Variants in LITAF observed in about 807,000 individuals in gnomAD.
The protein encoded by LITAF is lipopolysaccharide-induced tumor necrosis factor-alpha factor.
A neutral mutation model predicts 14.5 loss-of-function variants in LITAF; 9 were observed. The ratio of observed to expected loss-of-function variants is 0.62; its 90% CI spans 0.37 to 1.08. The LOEUF is 1.08. Ranked by LOEUF, LITAF falls within the 50% of genes least tolerant of loss-of-function variation. The pLI is 0.01. For synonymous variants in LITAF, 98 were observed against 88.2 expected (o/e 1.11, Z -0.62); for missense variants, 206 against 213.4 (o/e 0.97, Z 0.22).
intron 3 of LITAF, among the ~76,000 whole-genome samples, chr16:11,607,599 T>TA (rs970628407): frequency 6.6e-6 from 1 of 152,082 alleles, no homozygotes; most frequent in African/African-American, 2.4e-5. Context: ...ACGTCCTCAT[T>TA]AAAAAAATCC....
chr16:11,612,904 C>G (rs1298599217), intron 3 of LITAF, among the ~76,000 whole-genome samples: 6 of 152,196 alleles, frequency 3.9e-5, no homozygotes, highest in East Asian at 3.9e-4. Flanking sequence ...CCCTGTGTCC[C>G]CCTAGAATCT....
intron 3 of LITAF, among the ~76,000 whole-genome samples, chr16:11,612,022 T>C (rs1291415321): frequency 1.3e-5 from 2 of 152,140 alleles, no homozygotes; most frequent in Non-Finnish European, 2.9e-5. Context: ...ACAACCCCCA[T>C]CCAACGCAAC....
At chr16:11,582,723 A>G (rs34096091) in intron 1 of LITAF, among the ~76,000 whole-genome samples, 20,929 of 152,230 alleles carry the variant, frequency 0.14, 1,698 homozygotes, top group South Asian at 0.23. Flanking sequence ...TAAACAAGAA[A>G]GAGAACCAGC....
chr16:11,584,697 A>C (rs1357751225), intron 1 of LITAF, among the ~76,000 whole-genome samples: 2 of 152,176 alleles, frequency 1.3e-5, no homozygotes, highest in African/African-American at 2.4e-5. Context: ...TGGAGTTACA[A>C]GGGCATTAGC....
At chr16:11,556,441 C>G in intron 2 of LITAF, 70 bp downstream of exon 2, 1 of 1,360,014 alleles carries the variant, frequency 7.4e-7, no homozygotes, top group Non-Finnish European at 1.0e-6. Flanking sequence ...AGAGTCACTT[C>G]GGTCACTCTC....
Position 11,623,424 on chromosome 16 carries a change from G to A in LITAF, c.85+10109C>T, listed in dbSNP as rs1017017449. ...CACCTGTAACCCCAGCACTTTGGGA[G>A]GCCGAGGCGGACAGATTACGAGGTC... On this transcript the variant is annotated intron_variant, in intron 3 of 3. Coordinates refer to the LITAF transcript ENST00000574848. 3.3e-5 allele frequency among the ~76,000 whole-genome samples: 5 copies of A among 151,800 alleles called. No homozygotes were observed. The East Asian group carries it at 7.9e-4, about 24-fold the overall frequency.
chr16:11,612,504 G>A (rs150089445), intron 3 of LITAF, among the ~76,000 whole-genome samples: 13 of 152,248 alleles, frequency 8.5e-5, no homozygotes, highest in African/African-American at 1.4e-4. Flanking sequence ...GTCTGACCTC[G>A]TGTGGGTCAC....
intron 1 of LITAF, among the ~76,000 whole-genome samples, chr16:11,581,271 A>C (rs2064728303): frequency 6.6e-6 from 1 of 152,218 alleles, no homozygotes. Context: ...TCTCCCCTAC[A>C]TAGGCCAAGA....
At chr16:11,625,194 G>A (rs13336957) in intron 3 of LITAF, among the ~76,000 whole-genome samples, 3 of 151,906 alleles carry the variant, frequency 2.0e-5, no homozygotes, top group East Asian at 1.9e-4. Flanking sequence ...AGCAGTGGCC[G>A]TGACTCTCTG....
chr16:11,578,882 G>A (rs1422751683), intron 1 of LITAF, among the ~76,000 whole-genome samples: 2 of 152,156 alleles, frequency 1.3e-5, no homozygotes, highest in Non-Finnish European at 2.9e-5. Context: ...TGGCTGAGGA[G>A]ACAAGATGAC....
intron 1 of LITAF, among the ~76,000 whole-genome samples, chr16:11,565,108 A>G (rs2064430712): frequency 7.3e-6 from 1 of 137,342 alleles, no homozygotes; most frequent in African/African-American, 2.8e-5. Context: ...TTTGAGACAG[A>G]TTCTCGCTCC....
chr16:11,595,037 G>GA (rs974509932), intron 1 of LITAF, among the ~76,000 whole-genome samples: 1 of 152,096 alleles, frequency 6.6e-6, no homozygotes, highest in African/African-American at 2.4e-5. Flanking sequence ...GTTGCTTATT[G>GA]AAAAAAACTA....
intron 3 of LITAF, among the ~76,000 whole-genome samples, chr16:11,618,240 T>G (rs2065029570): frequency 6.6e-6 from 1 of 152,160 alleles, no homozygotes; most frequent in African/African-American, 2.4e-5. Context: ...CCCAAACTTT[T>G]CCCCCTTGGA....
intron 1 of LITAF, among the ~76,000 whole-genome samples, chr16:11,557,098 G>C (rs534161745): frequency 5.1e-5 from 7 of 138,386 alleles, no homozygotes; most frequent in Non-Finnish European, 1.1e-4. Context: ...GGTTTTTTTG[G>C]TTTTTAAACC....
At chr16:11,603,740 T>C (rs2064940360) in intron 3 of LITAF, among the ~76,000 whole-genome samples, 1 of 152,144 alleles carries the variant, frequency 6.6e-6, no homozygotes, top group Non-Finnish European at 1.5e-5. Context: ...TTCTTATAAA[T>C]GCACATTTAA....
intron 2 of LITAF, among the ~76,000 whole-genome samples, chr16:11,554,571 T>A (rs2064238988): frequency 6.6e-6 from 1 of 151,948 alleles, no homozygotes; most frequent in South Asian, 2.1e-4. Flanking sequence ...GGTGCGTGGA[T>A]CACCAGAGGT....
chr16:11,575,681 G>A (rs528993664), intron 1 of LITAF: 6 of 152,058 alleles, frequency 3.9e-5, no homozygotes, highest in Admixed American at 2.6e-4. Flanking sequence ...AACAACTCGC[G>A]GTCAGCGTAA....
intron 3 of LITAF, among the ~76,000 whole-genome samples, chr16:11,612,442 G>C (rs1301592974): frequency 1.3e-5 from 2 of 152,224 alleles, no homozygotes; most frequent in African/African-American, 4.8e-5. Flanking sequence ...TGAAGAATGA[G>C]GAAGGAAGGG....
At chr16:11,564,872 G>A (rs2064426831) in intron 1 of LITAF, among the ~76,000 whole-genome samples, 1 of 152,106 alleles carries the variant, frequency 6.6e-6, no homozygotes, top group African/African-American at 2.4e-5. Flanking sequence ...CACATCACTG[G>A]TGGCCAGGGA....
Sources: gnomAD v4.1 joint callset for allele counts (sites outside exome capture counted in the v4.1 genomes callset) on GRCh38, gnomAD v4.1.1 for gene constraint, MANE v1.5 for transcripts, NCBI Gene and HGNC (gene_info 2026-07-23, HGNC 2026-07-21) for gene names.